NEK6: variants seen among roughly 807,000 people sequenced by gnomAD.
NEK6 encodes the protein serine/threonine-protein kinase Nek6.
Under a neutral mutation model 43.5 loss-of-function variants are expected in NEK6, and 27 were observed. The observed-to-expected ratio is 0.62, with a 90% confidence interval of 0.46 to 0.86. The LOEUF is 0.86. Among genes scored for constraint, NEK6 ranks in the 40% least tolerant of loss-of-function variants. NEK6 has a pLI of 0.00. For missense variants in NEK6, 318 were observed against 414.4 expected (o/e 0.77, Z 2.02); for synonymous variants, 167 against 164.1 (o/e 1.02, Z -0.14).
In NEK6 at chr9:124,312,538, C is replaced by A; in HGVS notation, c.120C>A (p.Cys40Ter). Residue 40 changes from cysteine (C) to a stop codon, truncating the protein, a stop_gained, in exon 3 of 10, where the codon TGC (cysteine) becomes TGA (stop). Coordinates refer to ENST00000320246, the MANE Select transcript of NEK6 (RefSeq NM_014397.6). LOFTEE classifies it high-confidence loss of function. The stretch of plus-strand genomic sequence containing the variant: ...ATCCCAACACGCTGTCTTTTCGCTG[C>A]TCGCTGGCGGACTTCCAGATCGAAA... ...QRHPNTLSFRCSLADFQIEKK... is the reference protein window; with the variant it reads ...QRHPNTLSFR The A allele has an allele frequency of 6.2e-7, 1 of 1,614,142 alleles. No homozygotes were observed. The highest frequency in any genetic ancestry group is 8.5e-7 in the Non-Finnish European group (1 of 1,179,994).
At chr9:124,310,831 C>G (rs765298400) in intron 2 of NEK6, among the ~76,000 whole-genome samples, 1 of 152,252 alleles carries the variant, frequency 6.6e-6, no homozygotes, top group Non-Finnish European at 1.5e-5. Flanking sequence ...AAGTGATCGC[C>G]CGCCTCGGCC....
Position 124,326,202 on chromosome 9 carries a change from T to TCACCC in NEK6, c.406-127_406-126insACCCC. The TCACCC allele has an allele frequency of 1.6e-5, 2 of 124,050 alleles. No individual in the cohort carries two copies. The highest frequency in any genetic ancestry group is 7.2e-5 in the Admixed American group (1 of 13,890). The allele number at this position is 124,050 out of a possible 1,614,324, so 7.7% of individuals were successfully genotyped here. A position where few individuals can be genotyped will look rare whatever the true frequency, so the allele number is the denominator to read the frequency against. On this transcript the variant is annotated intron_variant, in intron 5 of 9. Transcript: ENST00000320246. The surrounding 1 kb of genome is among the most constrained non-coding windows in gnomAD (Gnocchi z 4.5). Reference sequence around the variant, plus strand: ...GCTTATTGTTTGCTCAGTGGCTCAATCCCCCCCCCCCGCCCCTGCCAGGCA... The same window carrying TCACCC: ...GCTTATTGTTTGCTCAGTGGCTCAATCACCCCCCCCCCCCCCGCCCCTGCCAGGCA...
In NEK6 at chr9:124,332,905, C is replaced by T. The variant is rs1032228108; in HGVS notation, c.622+5460C>T. On this transcript the variant is annotated intron_variant, in intron 7 of 9. Transcript: ENST00000320246. ...CTTTCATACACACAGCTCCGTCCCC[C>T]ACCAAGAGGAGGGGGCGGTGGGAGT... Among the ~76,000 whole-genome samples, 9 of 152,292 alleles carry T rather than the reference C, an allele frequency of 5.9e-5. 1 individual carries two copies. In the East Asian group the frequency reaches 1.7e-3, roughly 29 times the overall value.
At chr9:124,320,713 C>G (rs1292273068) in intron 4 of NEK6, among the ~76,000 whole-genome samples, 10 of 152,240 alleles carry the variant, frequency 6.6e-5, no homozygotes, top group Non-Finnish European at 1.2e-4. Context: ...AGCAAACATG[C>G]AGGCGGTGGT....
At chr9:124,318,041 G>A (rs1833903530) in intron 4 of NEK6, among the ~76,000 whole-genome samples, 1 of 152,176 alleles carries the variant, frequency 6.6e-6, no homozygotes, top group African/African-American at 2.4e-5. Flanking sequence ...TATATACCCA[G>A]TAATGGGATT....
rs748170832 is a variant in NEK6, at chr9:124,350,952, G to A, written c.*5G>A. 3 of 1,599,628 alleles carry A rather than the reference G, an allele frequency of 1.9e-6. No homozygotes were observed. The South Asian group carries it at 3.3e-5, about 18-fold the overall frequency. On this transcript the variant is annotated 3_prime_UTR_variant, in exon 10 of 10. Transcript: ENST00000320246. Reference sequence around the variant, plus strand: ...ATCTGGATGTCCAGCACCTGAGCGTGGATGCACCGTGCCTTATCAAAGCCA... The same window carrying A: ...ATCTGGATGTCCAGCACCTGAGCGTAGATGCACCGTGCCTTATCAAAGCCA...
At chr9:124,304,056 T>C (rs1055157251) in intron 2 of NEK6, among the ~76,000 whole-genome samples, 2 of 152,260 alleles carry the variant, frequency 1.3e-5, no homozygotes, top group African/African-American at 4.8e-5. Flanking sequence ...TACTCGGAGC[T>C]GGGCTGCTCT....
chr9:124,320,726 G>A (rs1453405752), intron 4 of NEK6, among the ~76,000 whole-genome samples: 7 of 152,192 alleles, frequency 4.6e-5, no homozygotes, highest in South Asian at 2.1e-4. Context: ...GCGGTGGTGC[G>A]AAGGACAGAG....
chr9:124,342,371 C>T (rs1285580755), intron 8 of NEK6, among the ~76,000 whole-genome samples: 1 of 152,234 alleles, frequency 6.6e-6, no homozygotes, highest in African/African-American at 2.4e-5. Context: ...AGCTCACTTA[C>T]CAACTCACTT....
intron 1 of NEK6, chr9:124,291,864 C>T (rs1832436493): frequency 1.0e-6 from 1 of 985,386 alleles, no homozygotes; most frequent in Non-Finnish European, 1.2e-6. Context: ...GCAGCCGGAG[C>T]TATTTTTAGA....
intron 4 of NEK6, among the ~76,000 whole-genome samples, chr9:124,315,055 G>C (rs1173872433): frequency 6.6e-6 from 1 of 152,258 alleles, no homozygotes; most frequent in Non-Finnish European, 1.5e-5. Context: ...CAGAATTTCA[G>C]ATTAGCAGTT....
intron 1 of NEK6, among the ~76,000 whole-genome samples, chr9:124,267,406 C>A (rs890112474): frequency 6.6e-6 from 1 of 152,162 alleles, no homozygotes; most frequent in Admixed American, 6.5e-5. Flanking sequence ...GTGGGCACGG[C>A]GTGCCGGACT....
At chr9:124,321,717 C>A (rs1163080914) in intron 5 of NEK6, 148 bp downstream of exon 5, 2 of 603,732 alleles carry the variant, frequency 3.3e-6, no homozygotes, top group Non-Finnish European at 5.9e-6. Context: ...CAGATGCCCA[C>A]AGGCCTCAGC....
intron 7 of NEK6, among the ~76,000 whole-genome samples, chr9:124,339,146 A>G (rs1001157551): frequency 6.7e-6 from 1 of 148,270 alleles, no homozygotes; most frequent in African/African-American, 2.5e-5. Flanking sequence ...CTCCTGCCTC[A>G]GCCTCCTGAG....
At chr9:124,268,443 C>T (rs1262578502) in intron 1 of NEK6, among the ~76,000 whole-genome samples, 1 of 152,190 alleles carries the variant, frequency 6.6e-6, no homozygotes, top group Non-Finnish European at 1.5e-5. Context: ...GTGCTGTGTG[C>T]CACAGGTGAA....
At chr9:124,325,753 C>T (rs1216095241) in intron 5 of NEK6, among the ~76,000 whole-genome samples, 5 of 152,230 alleles carry the variant, frequency 3.3e-5, no homozygotes, top group South Asian at 2.1e-4. Context: ...GACTGATGCC[C>T]GTTGGAACTG....
At chr9:124,312,443 A>C in intron 2 of NEK6, 66 bp from the exon 3 acceptor site, 1 of 1,537,228 alleles carries the variant, frequency 6.5e-7, no homozygotes, top group African/African-American at 1.4e-5. Context: ...CTGGGCCTCT[A>C]GGGGTCGTCC....
At chr9:124,286,072 C>A (rs553570527) in intron 1 of NEK6, among the ~76,000 whole-genome samples, 8 of 152,214 alleles carry the variant, frequency 5.3e-5, no homozygotes, top group East Asian at 1.9e-4. Flanking sequence ...ACGGTTCCCC[C>A]CTCCCTGCCC....
chr9:124,314,472 AGTG>A (rs764779237), intron 4 of NEK6, among the ~76,000 whole-genome samples: 7 of 144,512 alleles, frequency 4.8e-5, no homozygotes, highest in East Asian at 2.1e-4. Context: ...TTTTGTTGGT[AGTG>A]GTGGTGGTGG....
Sources: allele counts gnomAD v4.1 joint callset (sites outside exome capture counted in the v4.1 genomes callset), GRCh38; gene constraint gnomAD v4.1.1; non-coding constraint Gnocchi (gnomAD v3.1); transcripts MANE v1.5; gene names NCBI Gene and HGNC (gene_info 2026-07-23, HGNC 2026-07-21).